Variants in SAMD5 observed in about 807,000 individuals in gnomAD.
SAMD5 encodes sterile alpha motif domain containing 5, also known as sterile alpha motif domain-containing protein 5.
In SAMD5, 13 loss-of-function variants were observed where a neutral mutation model predicts 11.3. That is an observed-to-expected ratio of 1.15 (90% confidence interval 0.75 to 1.83). The LOEUF (loss-of-function observed/expected upper bound fraction) is 1.83. Ranked by LOEUF, SAMD5 falls within the 40% of genes most tolerant of loss-of-function variation. The pLI, the probability that SAMD5 is intolerant of heterozygous loss-of-function variation, is 0.00. For synonymous variants in SAMD5, 129 were observed against 111.3 expected (o/e 1.16, Z -1.00); for missense variants, 255 against 239.1 (o/e 1.07, Z -0.44).
At chr6:147,739,403 C>T (rs561033385), downstream of SAMD5, among the ~76,000 whole-genome samples, 26 of 152,038 alleles carry the variant, frequency 1.7e-4, no homozygotes, top group Non-Finnish European at 3.2e-4. Context: ...TGAGACCAGC[C>T]GGGCAACATA....
At chr6:147,695,858 G>A (rs183670749) in intron 1 of SAMD5, among the ~76,000 whole-genome samples, 8 of 152,278 alleles carry the variant, frequency 5.3e-5, no homozygotes, top group Admixed American at 3.3e-4. Flanking sequence ...TCTTCTACAT[G>A]TATAAGCAAT....
At chr6:147,662,844 A>AAAG (rs1389674203) in intron 1 of SAMD5, among the ~76,000 whole-genome samples, 38 of 152,240 alleles carry the variant, frequency 2.5e-4, no homozygotes, top group African/African-American at 8.9e-4. Context: ...ACTACAACAA[A>AAAG]AAGATCCACT....
At chr6:147,518,684 T>C (rs538121472) in intron 1 of SAMD5, among the ~76,000 whole-genome samples, 1 of 152,338 alleles carries the variant, frequency 6.6e-6, no homozygotes, top group East Asian at 1.9e-4. Context: ...GACACACAGC[T>C]TCTCAAGTTT....
At chr6:147,757,289 A>G in the SAMD5 span, among the ~76,000 whole-genome samples, 4 of 152,292 alleles carry the variant, frequency 2.6e-5, no homozygotes, top group East Asian at 1.9e-4. Flanking sequence ...GGGTGCTACT[A>G]TAGGGGTGTC....
intron 1 of SAMD5, among the ~76,000 whole-genome samples, chr6:147,657,698 T>G (rs1790591297): frequency 6.6e-6 from 1 of 152,184 alleles, no homozygotes; most frequent in South Asian, 2.1e-4. Context: ...AGGGCCTGCT[T>G]GCTGGTTCAT....
At chr6:147,687,428 C>A (rs1361236192) in intron 1 of SAMD5, among the ~76,000 whole-genome samples, 1 of 151,810 alleles carries the variant, frequency 6.6e-6, no homozygotes, top group Non-Finnish European at 1.5e-5. Flanking sequence ...AGACATGCGC[C>A]ACCATACCCA....
At chr6:147,651,201 T>C (rs1037406282) in intron 1 of SAMD5, among the ~76,000 whole-genome samples, 3 of 152,192 alleles carry the variant, frequency 2.0e-5, no homozygotes, top group African/African-American at 7.2e-5. Context: ...CCTTTCATAA[T>C]AGAGAAAAGT....
chr6:147,564,267 C>T (rs1788999803), intron 1 of SAMD5, 127 bp from the exon 2 acceptor site: 3 of 632,604 alleles, frequency 4.7e-6, no homozygotes, highest in Non-Finnish European at 8.6e-6. Context: ...GGCTGTTCTT[C>T]AAAAGTCCAT....
chr6:147,712,939 T>G (rs1791420135), intron 1 of SAMD5, among the ~76,000 whole-genome samples: 1 of 152,200 alleles, frequency 6.6e-6, no homozygotes, highest in Non-Finnish European at 1.5e-5. Flanking sequence ...TATGATCCAT[T>G]TTTATAAACT....
chr6:147,918,685 A>G, the SAMD5 span, among the ~76,000 whole-genome samples: 1 of 121,206 alleles, frequency 8.3e-6, no homozygotes, highest in Admixed American at 9.2e-5. Flanking sequence ...AATCACAAGC[A>G]TTCTTTTTTT....
the SAMD5 span, among the ~76,000 whole-genome samples, chr6:147,875,758 G>A: frequency 3.9e-5 from 6 of 152,160 alleles, no homozygotes; most frequent in Non-Finnish European, 5.9e-5. Context: ...AGGGATCTAG[G>A]TTGCACGTTC....
At chr6:147,903,538 T>G in the SAMD5 span, among the ~76,000 whole-genome samples, 1 of 152,190 alleles carries the variant, frequency 6.6e-6, no homozygotes, top group Non-Finnish European at 1.5e-5. Flanking sequence ...GGAAGCTGAT[T>G]CACTGTCAAA....
chr6:147,574,634 G>A (rs1789191454), downstream of SAMD5, among the ~76,000 whole-genome samples: 1 of 152,158 alleles, frequency 6.6e-6, no homozygotes, highest in Non-Finnish European at 1.5e-5. Context: ...CACTTCTGGA[G>A]GCTGGGAAGT....
chr6:147,742,109 C>A (rs1418847770), downstream of SAMD5, among the ~76,000 whole-genome samples: 1 of 151,634 alleles, frequency 6.6e-6, no homozygotes, highest in East Asian at 1.9e-4. Context: ...TCATCAATAT[C>A]CTTTTAAAAA....
chr6:147,509,790 CTTTCT>C (rs771942498), intron 1 of SAMD5, among the ~76,000 whole-genome samples: 91 of 152,264 alleles, frequency 6.0e-4, no homozygotes, highest in Admixed American at 1.8e-3. Flanking sequence ...TCCTTTTTCT[CTTTCT>C]TTTCCTTTTT....
the SAMD5 span, among the ~76,000 whole-genome samples, chr6:147,761,663 A>G: frequency 1.3e-5 from 2 of 152,214 alleles, no homozygotes; most frequent in Admixed American, 6.5e-5. Flanking sequence ...CAGATCAATA[A>G]TGGGTTAAAA....
the SAMD5 span, among the ~76,000 whole-genome samples, chr6:147,808,732 G>A: frequency 5.3e-5 from 8 of 152,028 alleles, no homozygotes; most frequent in South Asian, 4.2e-4. Context: ...ATATTGAATC[G>A]TCATAGTTCT....
intron 1 of SAMD5, among the ~76,000 whole-genome samples, chr6:147,575,048 A>G (rs946779393): frequency 2.0e-5 from 3 of 152,250 alleles, no homozygotes; most frequent in African/African-American, 7.2e-5. Context: ...CAACTTACTG[A>G]TAGAGTTATC....
At chr6:147,950,357 G>A in the SAMD5 span, among the ~76,000 whole-genome samples, 2 of 152,124 alleles carry the variant, frequency 1.3e-5, no homozygotes, top group Non-Finnish European at 2.9e-5. Context: ...GCAGCCCCCA[G>A]CCTCAGCATG....
Sources: allele counts gnomAD v4.1 joint callset (sites outside exome capture counted in the v4.1 genomes callset), GRCh38; gene constraint gnomAD v4.1.1; transcripts MANE v1.5; gene names NCBI Gene and HGNC (gene_info 2026-07-23, HGNC 2026-07-21).